The following ACSM1 variants were observed in gnomAD, a reference collection of about 807,000 sequenced individuals.
ACSM1 encodes the protein acyl-coenzyme A synthetase ACSM1, mitochondrial.
ACSM1 carries 79 observed loss-of-function variants against 75.8 expected under a neutral mutation model. That is an observed-to-expected ratio of 1.04 (90% CI 0.87 to 1.26). The LOEUF is 1.26. Ranked by LOEUF, ACSM1 falls within the 50% of genes most tolerant of loss-of-function variation. ACSM1 has a pLI of 0.00. For missense variants in ACSM1, 676 were observed against 720.1 expected (o/e 0.94, Z 0.70); for synonymous variants, 279 against 265.8 (o/e 1.05, Z -0.48).
chr16:20,652,129 T>C (rs2018680643), intron 7 of ACSM1, among the ~76,000 whole-genome samples: 1 of 152,090 alleles, frequency 6.6e-6, no homozygotes, highest in South Asian at 2.1e-4. Flanking sequence ...AAATCGTTAA[T>C]AGAAAAATAA....
Position 20,637,466 on chromosome 16 carries a change from AAG to A in ACSM1, c.1117-17_1117-16del. ...CAAATTAGTCCCTGTTCACAAAAGA[AAG>A]AAGATTTGGGTTGATCAGAGAGGCC... On this transcript the variant is annotated splice_polypyrimidine_tract_variant and intron_variant, in intron 8 of 13. Transcript: ENST00000520010. The A allele has an allele frequency of 6.2e-7, 1 of 1,612,298 alleles. No homozygotes were observed. The highest frequency in any genetic ancestry group is 8.5e-7 in the Non-Finnish European group (1 of 1,178,996).
intron 2 of ACSM1, among the ~76,000 whole-genome samples, chr16:20,687,651 C>A (rs187452136): frequency 3.2e-4 from 49 of 152,140 alleles, no homozygotes; most frequent in Non-Finnish European, 5.7e-4. Flanking sequence ...GATTCAGCTA[C>A]TAGGCAAAGA....
intron 7 of ACSM1, among the ~76,000 whole-genome samples, chr16:20,661,461 T>G (rs1360431854): frequency 6.6e-6 from 1 of 152,124 alleles, no homozygotes; most frequent in African/African-American, 2.4e-5. Flanking sequence ...CAATGTTATG[T>G]TTTTTTGACT....
At chr16:20,624,240 C>T (rs370012019) in intron 12 of ACSM1, 25 bp from the exon 13 acceptor site, 2 of 1,591,402 alleles carry the variant, frequency 1.3e-6, no homozygotes, top group Non-Finnish European at 1.7e-6. Context: ...CATGGGCTCA[C>T]AGTGAGTGCC....
At chr16:20,672,274 A>G (rs1423243423) in intron 4 of ACSM1, among the ~76,000 whole-genome samples, 1 of 150,666 alleles carries the variant, frequency 6.6e-6, no homozygotes, top group Non-Finnish European at 1.5e-5. Flanking sequence ...GAAAGAGAGA[A>G]AGGGGGAGAG....
intron 10 of ACSM1, among the ~76,000 whole-genome samples, chr16:20,635,196 A>C (rs2017592556): frequency 6.6e-6 from 1 of 152,074 alleles, no homozygotes; most frequent in African/African-American, 2.4e-5. Context: ...GGAGTTTGAA[A>C]GTAGTCTGGG....
At chr16:20,643,257 A>G (rs2152222300) in intron 7 of ACSM1, among the ~76,000 whole-genome samples, 1 of 152,358 alleles carries the variant, frequency 6.6e-6, no homozygotes, top group Admixed American at 6.5e-5. Context: ...ACTCGCTGGC[A>G]GGTGCCTGGT....
At chr16:20,650,646 C>T (rs1479472932) in intron 7 of ACSM1, among the ~76,000 whole-genome samples, 3 of 148,884 alleles carry the variant, frequency 2.0e-5, no homozygotes, top group Admixed American at 2.0e-4. Flanking sequence ...CCCTAGGCTA[C>T]AGCTCAGTTC....
At position 20,624,096 on chromosome 16, in the gene ACSM1, C is replaced by T. The variant is rs3743690; in HGVS notation, c.1647G>A (p.Lys549=). 227,953 of 1,611,298 alleles carry T rather than the reference C, an allele frequency of 0.14. 19,907 individuals carry two copies. The highest frequency in any genetic ancestry group is 0.5 in the East Asian group (22,491 of 44,672). The change falls in exon 13 of 14, where the codon AAG becomes AAA. Residue 549 remains lysine, a splice_region_variant and synonymous_variant. Coordinates refer to ENST00000520010, the MANE Select transcript of ACSM1 (RefSeq NM_001318890.3). Reference sequence around the variant, plus strand: ...ATCCCTTCCATCTGCCCTCACTCACCTTCCTTGGGTACTTGTATGGGGCTG... The same window carrying T: ...ATCCCTTCCATCTGCCCTCACTCACTTTCCTTGGGTACTTGTATGGGGCTG... The part of the protein sequence containing the change: ...SVTAPYKYPR[K]VEFVSELPKT...
At chr16:20,640,370 G>T in intron 8 of ACSM1, 91 bp downstream of exon 8, 2 of 1,452,296 alleles carry the variant, frequency 1.4e-6, no homozygotes, top group East Asian at 2.3e-5. Flanking sequence ...GCACAAACCT[G>T]TTTCCCAGAT....
intron 7 of ACSM1, among the ~76,000 whole-genome samples, chr16:20,650,328 A>G (rs2018579075): frequency 6.6e-6 from 1 of 152,106 alleles, no homozygotes; most frequent in African/African-American, 2.4e-5. Flanking sequence ...CTCCAAAGAG[A>G]AAGGTCATTT....
intron 7 of ACSM1, among the ~76,000 whole-genome samples, chr16:20,641,397 G>C (rs1222519150): frequency 6.6e-6 from 1 of 152,114 alleles, no homozygotes; most frequent in Non-Finnish European, 1.5e-5. Context: ...CTGAGGCAGG[G>C]CTTGCACGTC....
chr16:20,683,350 A>G (rs2079484807), intron 3 of ACSM1, among the ~76,000 whole-genome samples: 1 of 151,130 alleles, frequency 6.6e-6, no homozygotes, highest in African/African-American at 2.4e-5. Flanking sequence ...ATGGTCTTGG[A>G]CTTCTGACCA....
intron 3 of ACSM1, among the ~76,000 whole-genome samples, chr16:20,683,543 T>C (rs1281890820): frequency 6.6e-6 from 1 of 152,116 alleles, no homozygotes; most frequent in South Asian, 2.1e-4. Flanking sequence ...CTACACCTTA[T>C]TTTCTATTTC....
In ACSM1 at chr16:20,669,885, G is replaced by A. The variant is rs770284765; in HGVS notation, c.854C>T (p.Ala285Val). ...ATGGTGGATAAAGACTGTACAACCC[G>A]CTGTCCATGGTTCTACCAGGGTCCA... is the stretch of plus-strand genomic sequence containing the variant. ...TIWTLVEPWTAGCTVFIHHLP... is the reference protein window; with the variant it reads ...TIWTLVEPWTVGCTVFIHHLP... The change falls in exon 6 of 14, where the codon GCG (alanine) becomes GTG (valine). Residue 285 changes from alanine (A) to valine (V), a missense_variant. By Grantham distance (64) the Ala-to-Val change is moderately conservative. Coordinates refer to ENST00000520010, the MANE Select transcript of ACSM1 (RefSeq NM_001318890.3). 47 of 1,613,784 alleles carry A rather than the reference G, an allele frequency of 2.9e-5. No individual in the cohort carries two copies. Among genetic ancestry groups the A allele is most frequent in the South Asian group, 1.5e-4 (14 of 91,080 alleles).
chr16:20,671,845 G>C (rs145077252), intron 4 of ACSM1, among the ~76,000 whole-genome samples, 174 bp from the exon 5 acceptor site: 225 of 152,296 alleles, frequency 1.5e-3, no homozygotes, highest in African/African-American at 5.2e-3. Flanking sequence ...ATTCGGACAT[G>C]TGGACCAGCA....
At chr16:20,634,816 C>A (rs2017563482) in intron 10 of ACSM1, among the ~76,000 whole-genome samples, 1 of 152,036 alleles carries the variant, frequency 6.6e-6, no homozygotes, top group African/African-American at 2.4e-5. Flanking sequence ...CTGAATTGTA[C>A]ACTCAAAAAT....
chr16:20,631,495 C>G (rs1362104779), intron 10 of ACSM1, among the ~76,000 whole-genome samples: 1 of 152,098 alleles, frequency 6.6e-6, no homozygotes, highest in East Asian at 1.9e-4. Flanking sequence ...AACTACCATT[C>G]GATCCAGCAA....
Position 20,685,427 on chromosome 16 carries a change from G to A in ACSM1, c.193-24C>T, listed in dbSNP as rs76308852. 8,996 of 1,610,112 alleles carry A rather than the reference G, an allele frequency of 5.6e-3. 459 individuals are homozygous for A. The African/African-American group carries it at 0.11, about 19-fold the overall frequency. On this transcript the variant is annotated intron_variant, in intron 2 of 13. Coordinates refer to ENST00000520010, the MANE Select transcript of ACSM1 (RefSeq NM_001318890.3). ...TCCTGGTCAAGACCATATATTATGT[G>A]TTATTTTCTGCTTCAAAGAAAAAGG...
Sources: allele counts gnomAD v4.1 joint callset (sites outside exome capture counted in the v4.1 genomes callset), GRCh38; gene constraint gnomAD v4.1.1; transcripts MANE v1.5; gene names NCBI Gene and HGNC (gene_info 2026-07-23, HGNC 2026-07-21).